The following EML6 variants were observed in gnomAD, a reference collection of about 807,000 sequenced individuals.
The protein encoded by EML6 is echinoderm microtubule-associated protein-like 6.
EML6 carries 154 observed loss-of-function variants against 240.1 expected under a neutral mutation model. That is an observed-to-expected ratio of 0.64 (90% CI 0.56 to 0.73). The LOEUF is 0.73. Ranked by LOEUF, EML6 falls within the 30% of genes least tolerant of loss-of-function variation. EML6 has a pLI of 0.00. For missense variants in EML6, 2,964 were observed against 2,474.6 expected (o/e 1.20, Z -4.20); for synonymous variants, 1,148 against 899.0 (o/e 1.28, Z -4.95).
chr2:54,825,257 A>G (rs953611860), intron 5 of EML6, among the ~76,000 whole-genome samples: 13 of 152,234 alleles, frequency 8.5e-5, no homozygotes, highest in Non-Finnish European at 1.3e-4. Flanking sequence ...TGCTATGAAC[A>G]GCAAGTTCTT....
At position 54,855,443 on chromosome 2, in the gene EML6, G is replaced by T. The variant is rs1443238038; in HGVS notation, c.1657+1588G>T. Among the ~76,000 whole-genome samples, 3 of 143,570 alleles carry T rather than the reference G, an allele frequency of 2.1e-5. No individual in the cohort carries two copies. In the Admixed American group the frequency reaches 2.2e-4, roughly 10 times the overall value. The allele number at this position is 143,570 out of a possible 152,430, so 94.2% of individuals were successfully genotyped here. On this transcript the variant is annotated intron_variant, in intron 11 of 41. Coordinates refer to ENST00000356458, the MANE Select transcript of EML6 (RefSeq NM_001039753.4). ...ATGAGAAATTCACCCCCATAATCCA[G>T]TTACCTTCTACCATGCCCCCCCCCC...
intron 2 of EML6, among the ~76,000 whole-genome samples, chr2:54,788,972 C>T (rs1292824953): frequency 1.3e-5 from 2 of 152,182 alleles, no homozygotes; most frequent in East Asian, 3.8e-4. Context: ...CGCCCCACCC[C>T]CTTTGCCACT....
At chr2:54,751,185 A>G (rs1684149506) in intron 2 of EML6, among the ~76,000 whole-genome samples, 1 of 152,200 alleles carries the variant, frequency 6.6e-6, no homozygotes, top group Admixed American at 6.5e-5. Context: ...GGTGACAAAG[A>G]CAATTTACTT....
chr2:54,737,223 T>C (rs762211373), intron 2 of EML6, among the ~76,000 whole-genome samples: 2 of 152,232 alleles, frequency 1.3e-5, no homozygotes, highest in Non-Finnish European at 2.9e-5. Context: ...AGAATCATGA[T>C]GGCTGCAGTT....
At chr2:54,726,978 T>C (rs1033402983) in intron 2 of EML6, among the ~76,000 whole-genome samples, 3 of 152,146 alleles carry the variant, frequency 2.0e-5, no homozygotes, top group African/African-American at 7.2e-5. Context: ...TTTTCTCTGA[T>C]ACAAGGAAAA....
At chr2:54,890,187 A>G (rs1672390947) in intron 17 of EML6, among the ~76,000 whole-genome samples, 12 of 152,182 alleles carry the variant, frequency 7.9e-5, no homozygotes. Flanking sequence ...GATCAATTGT[A>G]TTACTTGATT....
At chr2:54,796,235 G>T (rs1669763806) in intron 2 of EML6, among the ~76,000 whole-genome samples, 1 of 152,066 alleles carries the variant, frequency 6.6e-6, no homozygotes, top group Non-Finnish European at 1.5e-5. Flanking sequence ...AAATCTCCTT[G>T]GGAATAAGTC....
intron 2 of EML6, among the ~76,000 whole-genome samples, chr2:54,803,150 AGTT>A (rs1438778852): frequency 2.2e-4 from 34 of 152,254 alleles, no homozygotes; most frequent in Non-Finnish European, 4.1e-4. Context: ...AGGGGAAGGG[AGTT>A]GTTCTTAACC....
chr2:54,896,452 T>A (rs577379473), intron 21 of EML6, among the ~76,000 whole-genome samples: 1 of 152,168 alleles, frequency 6.6e-6, no homozygotes, highest in African/African-American at 2.4e-5. Context: ...AACAGAACCT[T>A]TTAGGAGCCA....
At position 54,863,826 on chromosome 2, in the gene EML6, A is replaced by T; in HGVS notation, c.1869A>T (p.Leu623Phe). The part of the protein sequence containing the change: ...DSYSEESDSD[L>F]SDVPELDSDI... ...ACAGTGAAGAATCTGATTCAGATTT[A>T]TCTGATGTGCCCGAACTGGACTCTG... The change falls in exon 13 of 42, where the codon TTA becomes TTT. Residue 623 changes from leucine to phenylalanine, a missense_variant. Transcript: ENST00000356458. The T allele has an allele frequency of 1.9e-6, 3 of 1,549,878 alleles. No homozygotes were observed. The highest frequency in any genetic ancestry group is 2.6e-6 in the Non-Finnish European group (3 of 1,146,070).
At chr2:54,771,670 G>A (rs923730676) in intron 2 of EML6, among the ~76,000 whole-genome samples, 3 of 152,218 alleles carry the variant, frequency 2.0e-5, no homozygotes, top group Non-Finnish European at 1.5e-5. Context: ...GTGAACACAC[G>A]CAGACACATA....
At chr2:54,823,810 A>G (rs545755805) in intron 5 of EML6, among the ~76,000 whole-genome samples, 4 of 147,370 alleles carry the variant, frequency 2.7e-5, no homozygotes, top group East Asian at 2.0e-4. Context: ...CTGGGCAACC[A>G]TTTAATCTCC....
At chr2:54,754,825 G>A (rs1356942696) in intron 2 of EML6, among the ~76,000 whole-genome samples, 1 of 152,198 alleles carries the variant, frequency 6.6e-6, no homozygotes, top group Non-Finnish European at 1.5e-5. Context: ...ACTTTCTGAA[G>A]TGCAGAAATG....
chr2:54,942,227 T>C (rs1256606438), intron 28 of EML6, among the ~76,000 whole-genome samples: 1 of 152,188 alleles, frequency 6.6e-6, no homozygotes, highest in African/African-American at 2.4e-5. Flanking sequence ...AAGTAAAGTG[T>C]TGGAAAATGA....
chr2:54,842,900 T>C (rs777284246), intron 7 of EML6, among the ~76,000 whole-genome samples: 1 of 152,250 alleles, frequency 6.6e-6, no homozygotes, highest in African/African-American at 2.4e-5. Context: ...GAATAGTATT[T>C]TCACTGATAA....
intron 28 of EML6, among the ~76,000 whole-genome samples, chr2:54,942,890 C>T (rs1320677950): frequency 6.6e-6 from 1 of 152,206 alleles, no homozygotes; most frequent in African/African-American, 2.4e-5. Flanking sequence ...TCAGCCCTTC[C>T]TGGCCTCACT....
intron 12 of EML6, among the ~76,000 whole-genome samples, chr2:54,861,452 C>T (rs1670666793): frequency 6.6e-6 from 1 of 152,188 alleles, no homozygotes; most frequent in Non-Finnish European, 1.5e-5. Context: ...GTCACAGATT[C>T]TCTACCTGGC....
At position 54,928,498 on chromosome 2, in the gene EML6, C is replaced by T. The variant is rs1349031835; in HGVS notation, c.3861C>T (p.Asp1287=). 1.7e-5 allele frequency: 26 copies of T among 1,545,206 alleles called. No homozygotes were observed. Among genetic ancestry groups the T allele is most frequent in the Middle Eastern group, 1.7e-4 (1 of 5,970 alleles). Reference sequence around the variant, plus strand: ...TGGACAGCGAGGAGTCAGACACCGACGTGGAAGAGGATGGAGGTGAGCCCC... The same window carrying T: ...TGGACAGCGAGGAGTCAGACACCGATGTGGAAGAGGATGGAGGTGAGCCCC... ...KLVDSEESDT[D]VEEDGGYDSD... is the part of the protein sequence containing the mutation. Residue 1287 remains aspartate (D), a synonymous_variant, in exon 27 of 42, where the codon GAC becomes GAT. Transcript: ENST00000356458.
intron 26 of EML6, among the ~76,000 whole-genome samples, chr2:54,921,360 G>A (rs1479803461): frequency 6.6e-6 from 1 of 152,058 alleles, no homozygotes; most frequent in East Asian, 1.9e-4. Context: ...TTAGGAATAA[G>A]TTTAGCCAAG....
Sources: allele counts gnomAD v4.1 joint callset (sites outside exome capture counted in the v4.1 genomes callset), GRCh38; gene constraint gnomAD v4.1.1; transcripts MANE v1.5; gene names NCBI Gene and HGNC (gene_info 2026-07-23, HGNC 2026-07-21).